Variants in GARIN1B observed in about 807,000 individuals in gnomAD.
GARIN1B encodes the protein Golgi-associated RAB2 interactor protein 1B.
the GARIN1B span, among the ~76,000 whole-genome samples, chr7:128,709,750 C>CTTTTT: frequency 7.9e-5 from 9 of 114,612 alleles, no homozygotes; most frequent in African/African-American, 1.0e-4. Context: ...CTCTCTCTCT[C>CTTTTT]TTTTTTTTTT....
chr7:128,715,490 A>G, the GARIN1B span: 1 of 1,614,136 alleles, frequency 6.2e-7, no homozygotes, highest in South Asian at 1.1e-5. Context: ...ATCAAAGAAG[A>G]CAGTAAAAGT....
chr7:128,710,572 C>A, the GARIN1B span, among the ~76,000 whole-genome samples: 8 of 152,194 alleles, frequency 5.3e-5, no homozygotes, highest in Admixed American at 1.3e-4. Context: ...TATTCTCAAG[C>A]CTGTCATCCA....
At chr7:128,727,284 T>A in the GARIN1B span, among the ~76,000 whole-genome samples, 3 of 152,180 alleles carry the variant, frequency 2.0e-5, no homozygotes, top group Non-Finnish European at 4.4e-5. Context: ...AATTTGGTGG[T>A]GTCAGATGGG....
chr7:128,729,903 G>A, the GARIN1B span: 3 of 1,613,008 alleles, frequency 1.9e-6, no homozygotes, highest in Non-Finnish European at 2.5e-6. Context: ...TTGATCTAGG[G>A]AAAGATTCTT....
the GARIN1B span, chr7:128,714,185 A>G: frequency 6.7e-7 from 1 of 1,502,088 alleles, no homozygotes; most frequent in East Asian, 2.5e-5. Flanking sequence ...ATGAAATACA[A>G]AAGTCAGCCT....
the GARIN1B span, chr7:128,715,429 A>C: frequency 6.2e-7 from 1 of 1,612,432 alleles, no homozygotes; most frequent in Admixed American, 1.7e-5. Flanking sequence ...CAGGCCCCTG[A>C]GCATGTGTAG....
At chr7:128,717,749 GT>G in the GARIN1B span, among the ~76,000 whole-genome samples, 2 of 112,894 alleles carry the variant, frequency 1.8e-5, no homozygotes, top group Admixed American at 1.0e-4. Flanking sequence ...GCCCGGCCAG[GT>G]TTTTTTTGTT....
the GARIN1B span, chr7:128,726,877 G>T: frequency 6.2e-7 from 1 of 1,613,558 alleles, no homozygotes; most frequent in African/African-American, 1.3e-5. Context: ...CTCAGGTAAG[G>T]GAGGGCACAG....
At chr7:128,712,672 T>C in the GARIN1B span, among the ~76,000 whole-genome samples, 1 of 152,238 alleles carries the variant, frequency 6.6e-6, no homozygotes, top group Non-Finnish European at 1.5e-5. Context: ...GTTGAGGCTG[T>C]CACCAAAGTT....
the GARIN1B span, chr7:128,717,052 T>C: frequency 6.7e-7 from 1 of 1,490,336 alleles, no homozygotes; most frequent in Non-Finnish European, 9.1e-7. Flanking sequence ...GGATGCAAAG[T>C]GGAGGTTGCT....
At chr7:128,720,136 A>G in the GARIN1B span, among the ~76,000 whole-genome samples, 1 of 151,712 alleles carries the variant, frequency 6.6e-6, no homozygotes, top group East Asian at 1.9e-4. Flanking sequence ...TCATTTTCTT[A>G]ATGATGTTTT....
the GARIN1B span, chr7:128,709,347 T>C: frequency 1.3e-5 from 2 of 152,216 alleles, no homozygotes; most frequent in Non-Finnish European, 2.9e-5. Context: ...CACATACTTA[T>C]GTTTTCTTAT....
the GARIN1B span, chr7:128,716,747 C>T: frequency 7.1e-7 from 1 of 1,403,230 alleles, no homozygotes; most frequent in Non-Finnish European, 9.7e-7. Context: ...GGTTGAGAAA[C>T]CCTGGGCTGA....
chr7:128,713,829 A>G, the GARIN1B span: 3 of 558,988 alleles, frequency 5.4e-6, no homozygotes, highest in South Asian at 3.8e-5. Context: ...ATCTAAACCA[A>G]TGAGCTTTAT....
the GARIN1B span, among the ~76,000 whole-genome samples, chr7:128,712,236 C>G: frequency 4.6e-5 from 7 of 152,124 alleles, no homozygotes; most frequent in African/African-American, 1.2e-4. Flanking sequence ...CTAGGAGGAC[C>G]TCTAGCAATT....
At chr7:128,722,712 G>A in the GARIN1B span, among the ~76,000 whole-genome samples, 3 of 151,906 alleles carry the variant, frequency 2.0e-5, no homozygotes, top group Non-Finnish European at 4.4e-5. Flanking sequence ...GCTGAGGCAG[G>A]AGAATCGTCT....
At chr7:128,726,268 A>C in the GARIN1B span, among the ~76,000 whole-genome samples, 1 of 152,234 alleles carries the variant, frequency 6.6e-6, no homozygotes, top group South Asian at 2.1e-4. Flanking sequence ...GAGATGTGGA[A>C]AAACGAGCTA....
chr7:128,717,843 G>A, the GARIN1B span, among the ~76,000 whole-genome samples: 1 of 151,670 alleles, frequency 6.6e-6, no homozygotes, highest in Non-Finnish European at 1.5e-5. Context: ...TGTCTGGGAC[G>A]AAGTAGCCTT....
chr7:128,730,585 T>G, the GARIN1B span, among the ~76,000 whole-genome samples: 1 of 152,156 alleles, frequency 6.6e-6, no homozygotes, highest in Non-Finnish European at 1.5e-5. Context: ...TGACCAGAGA[T>G]AGATTTCCCT....
Sources: gnomAD v4.1 joint callset for allele counts (sites outside exome capture counted in the v4.1 genomes callset) on GRCh38, gnomAD v4.1.1 for gene constraint, MANE v1.5 for transcripts, NCBI Gene and HGNC (gene_info 2026-07-23, HGNC 2026-07-21) for gene names.